Variants in HIGD1A observed in about 807,000 individuals in gnomAD.
The protein encoded by HIGD1A is HIG1 hypoxia inducible domain family member 1A.
HIGD1A carries 8 observed loss-of-function variants against 11.3 expected under a neutral mutation model. The observed-to-expected ratio is 0.71, with a 90% CI of 0.42 to 1.28. HIGD1A has a LOEUF of 1.28. Ranked by LOEUF, HIGD1A falls within the 50% of genes most tolerant of loss-of-function variation. The pLI is 0.01. For missense variants in HIGD1A, 107 were observed against 118.8 expected (o/e 0.90, Z 0.46); for synonymous variants, 32 against 38.4 (o/e 0.83, Z 0.62).
chr3:42,800,554 G>T, intron 1 of HIGD1A, among the ~76,000 whole-genome samples: 1 of 150,752 alleles, frequency 6.6e-6, no homozygotes, highest in African/African-American at 2.4e-5. Context: ...CTCTTTCCTA[G>T]CTAACTCCTC....
Position 42,794,216 on chromosome 3 carries a change from T to G in HIGD1A, c.38A>C (p.Glu13Ala). The G allele has an allele frequency of 1.2e-6, 2 of 1,605,208 alleles. No individual in the cohort carries two copies. Among genetic ancestry groups the G allele is most frequent in the Non-Finnish European group, 1.7e-6 (2 of 1,177,436 alleles). The change falls in exon 2 of 4, where the codon GAG becomes GCG. Residue 13 changes from glutamate (E) to alanine (A), a missense_variant. Physicochemically the swap from Glu to Ala is moderately radical, Grantham distance 107 (BLOSUM62 -1). Transcript: ENST00000321331. ...TDTGVSLPSY[E>A]EDQGSKLIRK... ...AATGAGTTTTGATCCCTGATCTTCC[T>G]CATATGAAGGAAGGGAAACACCTGT...
At chr3:42,800,860 C>T (rs1700549400) in intron 1 of HIGD1A, among the ~76,000 whole-genome samples, 1 of 151,578 alleles carries the variant, frequency 6.6e-6, no homozygotes. Context: ...TCCGTTTATT[C>T]TGTTTATTTG....
At chr3:42,787,604 T>A (rs375124325) in intron 2 of HIGD1A, among the ~76,000 whole-genome samples, 5,067 of 95,216 alleles carry the variant, frequency 0.053, 272 homozygotes, top group African/African-American at 0.13. Context: ...AATATATATA[T>A]ATATATATAT....
chr3:42,787,594 A>AAAAAAAAATATATAT (rs1383516264), intron 2 of HIGD1A, among the ~76,000 whole-genome samples: 1 of 141,250 alleles, frequency 7.1e-6, no homozygotes, highest in Non-Finnish European at 1.5e-5. Flanking sequence ...CCATCTCAAA[A>AAAAAAAAATATATAT]ATATATATAT....
rs1700348426 is a variant in HIGD1A at position 42,786,152 on chromosome 3, A to C, written c.108T>G (p.Gly36=). The C allele has an allele frequency of 6.2e-7, 1 of 1,614,058 alleles. No individual in the cohort carries two copies. Among genetic ancestry groups the C allele is most frequent in the Non-Finnish European group, 8.5e-7 (1 of 1,179,996 alleles). The change falls in exon 3 of 4, where the codon GGT becomes GGG. Residue 36 remains glycine (G), a synonymous_variant. Transcript: ENST00000321331. ...EAPFVPVGIA[G]FAAIVAYGLY... ...ATCCATATGCAACAATTGCTGCAAA[A>C]CCCGCTATTCCTGTAAAACAAAGTA... is the stretch of plus-strand genomic sequence containing the variant.
intron 1 of HIGD1A, among the ~76,000 whole-genome samples, chr3:42,803,608 TCTTACTCCAAAGTGC>T (rs1189784716): frequency 6.6e-6 from 1 of 152,202 alleles, no homozygotes; most frequent in Non-Finnish European, 1.5e-5. Context: ...TCCAAACCTG[TCTTACTCCAAAGTGC>T]CTTTGTACTT....
chr3:42,795,305 G>C (rs1042526963), intron 1 of HIGD1A, among the ~76,000 whole-genome samples: 4 of 150,338 alleles, frequency 2.7e-5, no homozygotes, highest in Non-Finnish European at 5.9e-5. Flanking sequence ...TGCAACCTCT[G>C]CCTCCCAGGT....
intron 2 of HIGD1A, among the ~76,000 whole-genome samples, chr3:42,792,461 C>T (rs544790530): frequency 6.8e-6 from 1 of 147,466 alleles, no homozygotes; most frequent in Admixed American, 6.8e-5. Context: ...ATCACAAGAT[C>T]AGGAGATCGA....
Position 42,784,889 on chromosome 3 carries a change from T to C in HIGD1A, c.*382A>G, listed in dbSNP as rs1328685756. The C allele has an allele frequency of 5.4e-6, 1 of 184,022 alleles. No homozygotes were observed. The highest frequency in any genetic ancestry group is 1.1e-5 in the Non-Finnish European group (1 of 89,436). The allele number at this position is 184,022 out of a possible 1,614,324, so 11.4% of individuals were successfully genotyped here. On this transcript the variant is annotated 3_prime_UTR_variant, in exon 4 of 4. Transcript: ENST00000321331. ...CAAAAGTTGAATTAACTGGGGCAAA[T>C]AGGACTCTTATGCAACATCCAAAAT...
At chr3:42,793,995 A>G (rs9835903) in intron 2 of HIGD1A, among the ~76,000 whole-genome samples, 162 bp downstream of exon 2, 11 of 152,288 alleles carry the variant, frequency 7.2e-5, no homozygotes, top group Non-Finnish European at 1.3e-4. Context: ...AAGTCTGAAT[A>G]CATACAGAAG....
intron 1 of HIGD1A, among the ~76,000 whole-genome samples, chr3:42,801,794 T>C (rs1700568579): frequency 6.6e-6 from 1 of 152,224 alleles, no homozygotes; most frequent in Admixed American, 6.5e-5. Flanking sequence ...CTTCTGCAGA[T>C]ATAAAAGCAT....
intron 2 of HIGD1A, among the ~76,000 whole-genome samples, chr3:42,789,124 T>G (rs886356320): frequency 7.4e-6 from 1 of 134,998 alleles, no homozygotes; most frequent in Non-Finnish European, 1.5e-5. Flanking sequence ...CACTGCAACC[T>G]CCGACTCCTG....
chr3:42,788,344 A>T (rs1700377733), intron 2 of HIGD1A, among the ~76,000 whole-genome samples: 1 of 152,226 alleles, frequency 6.6e-6, no homozygotes. Context: ...CCTAAATTTG[A>T]TTCAAGAAGT....
rs1461625030 is a variant in HIGD1A, at chr3:42,783,539, TAGG to T, written c.*1729_*1731del. On this transcript the variant is annotated 3_prime_UTR_variant, in exon 4 of 4. Transcript: ENST00000321331. ...TTGAAGCATCAGAATCGCACGAAGCTAGGAGGTGGAGGGTGCCGTGAGCTCAGA... is the reference window on the plus strand; with the variant it reads ...TTGAAGCATCAGAATCGCACGAAGCTAGGTGGAGGGTGCCGTGAGCTCAGA... 2.0e-5 allele frequency among the ~76,000 whole-genome samples: 3 copies of T among 152,004 alleles called. No homozygotes were observed. The highest frequency in any genetic ancestry group is 7.2e-5 in the African/African-American group (3 of 41,390).
chr3:42,785,336 G>C lies in HIGD1A; in HGVS notation c.233-16C>G, dbSNP rs748757558. 6.3e-7 allele frequency: 1 copy of C among 1,598,452 alleles called. No homozygotes were observed. Among genetic ancestry groups the C allele is most frequent in the South Asian group, 1.1e-5 (1 of 89,848 alleles). ...TAGCCCATACCTAAAGAAAAAGAAT[G>C]CTAGTTAAGCATTTCAGTATTTTCT... On this transcript the variant is annotated splice_polypyrimidine_tract_variant and intron_variant, in intron 3 of 3. Transcript: ENST00000321331.
intron 3 of HIGD1A, 31 bp downstream of exon 3, chr3:42,785,997 C>A: frequency 6.2e-7 from 1 of 1,609,914 alleles, no homozygotes; most frequent in Non-Finnish European, 8.5e-7. Context: ...TAATGAGAAA[C>A]GAAAATTTGA....
chr3:42,793,583 C>T (rs1230446581), intron 2 of HIGD1A, among the ~76,000 whole-genome samples: 1 of 152,210 alleles, frequency 6.6e-6, no homozygotes, highest in Non-Finnish European at 1.5e-5. Context: ...CTGTAACAAG[C>T]ATTTTTGAGT....
chr3:42,787,320 A>G (rs1458399571), intron 2 of HIGD1A, among the ~76,000 whole-genome samples: 1 of 151,962 alleles, frequency 6.6e-6, no homozygotes, highest in Non-Finnish European at 1.5e-5. Context: ...TAGGGCTGGG[A>G]GCAGTAGCTC....
chr3:42,795,217 AG>A (rs1700480201), intron 1 of HIGD1A, among the ~76,000 whole-genome samples: 1 of 82,922 alleles, frequency 1.2e-5, no homozygotes, highest in Non-Finnish European at 2.3e-5. Context: ...GCTTATGATT[AG>A]CTTTTTTTTT....
Sources: allele counts gnomAD v4.1 joint callset (sites outside exome capture counted in the v4.1 genomes callset), GRCh38; gene constraint gnomAD v4.1.1; transcripts MANE v1.5; gene names NCBI Gene and HGNC (gene_info 2026-07-23, HGNC 2026-07-21).